Variants in PELI1 observed in about 807,000 individuals in gnomAD.
PELI1 encodes the protein E3 ubiquitin-protein ligase pellino homolog 1.
Under a neutral mutation model 41.3 loss-of-function variants are expected in PELI1, and 15 were observed. The ratio of observed to expected loss-of-function variants is 0.36; its 90% confidence interval spans 0.24 to 0.56. The LOEUF is 0.56. Ranked by LOEUF, PELI1 falls within the 20% of genes least tolerant of loss-of-function variation. PELI1 has a pLI of 0.82. For synonymous variants in PELI1, 178 were observed against 180.1 expected (o/e 0.99, Z 0.09); for missense variants, 403 against 525.5 (o/e 0.77, Z 2.28).
intron 4 of PELI1, among the ~76,000 whole-genome samples, chr2:64,097,099 A>G (rs980985695): frequency 1.3e-5 from 2 of 152,226 alleles, no homozygotes; most frequent in African/African-American, 2.4e-5. Flanking sequence ...AGGTGCTACA[A>G]GAGGTATACA....
intron 1 of PELI1, among the ~76,000 whole-genome samples, chr2:64,128,227 A>G (rs1681451581): frequency 6.6e-6 from 1 of 152,156 alleles, no homozygotes; most frequent in African/African-American, 2.4e-5. Context: ...GTAAACATTT[A>G]TGGAGTGCCT....
At chr2:64,108,134 G>T in intron 2 of PELI1, 106 bp downstream of exon 2, 4 of 641,120 alleles carry the variant, frequency 6.2e-6, no homozygotes, top group South Asian at 2.0e-5. Flanking sequence ...ATTCTTTTTG[G>T]AAGCAGGTAA....
intron 1 of PELI1, among the ~76,000 whole-genome samples, chr2:64,120,919 T>C (rs2103716940): frequency 6.6e-6 from 1 of 152,352 alleles, no homozygotes. Flanking sequence ...ATCACTATAA[T>C]AGTACCTAGT....
At chr2:64,121,841 G>A (rs542201976) in intron 1 of PELI1, among the ~76,000 whole-genome samples, 42 of 151,012 alleles carry the variant, frequency 2.8e-4, no homozygotes, top group Admixed American at 5.3e-4. Flanking sequence ...GGAGGCGGAG[G>A]TTGTGGTGAG....
chr2:64,110,849 C>T, intron 1 of PELI1, among the ~76,000 whole-genome samples: 1 of 151,920 alleles, frequency 6.6e-6, no homozygotes, highest in Admixed American at 6.6e-5. Context: ...ATCACTTGAA[C>T]CTGGAGGCAG....
At chr2:64,105,309 T>C (rs1680583288) in intron 2 of PELI1, among the ~76,000 whole-genome samples, 1 of 152,206 alleles carries the variant, frequency 6.6e-6, no homozygotes, top group South Asian at 2.1e-4. Flanking sequence ...ATTTGTTAAG[T>C]CTTAGCTACC....
chr2:64,100,831 G>GT (rs1306587627), intron 3 of PELI1, among the ~76,000 whole-genome samples: 3 of 151,954 alleles, frequency 2.0e-5, no homozygotes, highest in Non-Finnish European at 4.4e-5. Flanking sequence ...GGTTCAAGTG[G>GT]TTCTCCTACC....
intron 1 of PELI1, among the ~76,000 whole-genome samples, chr2:64,131,479 T>G (rs2103736133): frequency 6.6e-6 from 1 of 152,230 alleles, no homozygotes; most frequent in South Asian, 2.1e-4. Flanking sequence ...ATATTTGTTT[T>G]CCAAATATTT....
chr2:64,117,440 G>A (rs184699100), intron 1 of PELI1, among the ~76,000 whole-genome samples: 44 of 151,976 alleles, frequency 2.9e-4, no homozygotes, highest in Admixed American at 9.2e-4. Context: ...GTAGAATGCT[G>A]TATAAATGTT....
At chr2:64,137,579 A>C (rs532038689) in intron 1 of PELI1, among the ~76,000 whole-genome samples, 1 of 152,282 alleles carries the variant, frequency 6.6e-6, no homozygotes, top group Non-Finnish European at 1.5e-5. Context: ...ATATACCCTT[A>C]TTCCAAATGA....
intron 1 of PELI1, among the ~76,000 whole-genome samples, chr2:64,134,581 G>A (rs1016328614): frequency 6.6e-6 from 1 of 152,160 alleles, no homozygotes. Flanking sequence ...ATTTTCTCAT[G>A]AATGATAAAC....
Position 64,104,606 on chromosome 2 carries a change from G to C in PELI1, c.201+95C>G, listed in dbSNP as rs945605846. ...CAAACAAAAGGCAATTTCTGAAATA[G>C]AAATGTAAGGGGAATGCTAGAGAAT... On this transcript the variant is annotated intron_variant, in intron 3 of 6. Transcript: ENST00000358912. 2.9e-6 allele frequency: 4 copies of C among 1,379,186 alleles called. No homozygotes were observed. In the African/African-American group the frequency reaches 5.8e-5, roughly 20 times the overall value. The allele number at this position is 1,379,186 out of a possible 1,614,324, so 85.4% of individuals were successfully genotyped here.
intron 1 of PELI1, among the ~76,000 whole-genome samples, chr2:64,135,100 A>T (rs1245501241): frequency 6.6e-6 from 1 of 152,140 alleles, no homozygotes; most frequent in Non-Finnish European, 1.5e-5. Context: ...GTATTACAGT[A>T]ATGATGAGGT....
At chr2:64,140,365 G>A (rs949890424) in intron 1 of PELI1, among the ~76,000 whole-genome samples, 11 of 152,052 alleles carry the variant, frequency 7.2e-5, no homozygotes, top group South Asian at 2.1e-4. Context: ...GGTATTACAG[G>A]GGCGATACAA....
At chr2:64,134,498 C>T (rs936345106) in intron 1 of PELI1, among the ~76,000 whole-genome samples, 2 of 152,076 alleles carry the variant, frequency 1.3e-5, no homozygotes, top group African/African-American at 2.4e-5. Flanking sequence ...CTTTTTGATA[C>T]ATAAGGTATG....
chr2:64,110,247 G>GAAAAAAAAAA (rs796716135), intron 1 of PELI1, among the ~76,000 whole-genome samples: 7 of 100,790 alleles, frequency 6.9e-5, no homozygotes, highest in South Asian at 3.2e-4. Context: ...TCCGTCTCAA[G>GAAAAAAAAAA]AAAAAAAAAA....
rs564074855 is a variant in PELI1, at chr2:64,118,230, T to C, written c.-69-9851A>G. On this transcript the variant is annotated intron_variant, in intron 1 of 6. Coordinates refer to ENST00000358912, the MANE Select transcript of PELI1 (RefSeq NM_020651.4). ...GGGATATTTCTATGAATTCCCTCTT[T>C]ATCCACTCTTGATTATTGTTATGTT... Among the ~76,000 whole-genome samples the C allele has an allele frequency of 2.6e-4, 40 of 152,334 alleles. 1 individual carries two copies. Among genetic ancestry groups the C allele is most frequent in the Admixed American group, 1.0e-3 (16 of 15,300 alleles).
intron 1 of PELI1, among the ~76,000 whole-genome samples, chr2:64,108,760 CT>C (rs1558476647): frequency 6.6e-6 from 1 of 152,178 alleles, no homozygotes; most frequent in East Asian, 1.9e-4. Context: ...TCTGGGTTTT[CT>C]TTTTGCCTAA....
intron 4 of PELI1, among the ~76,000 whole-genome samples, chr2:64,097,675 T>C (rs1484297457): frequency 2.6e-5 from 4 of 152,214 alleles, no homozygotes; most frequent in Non-Finnish European, 5.9e-5. Context: ...TACCATAAAA[T>C]TGAAGAATGT....
Sources: gnomAD v4.1 joint callset for allele counts (sites outside exome capture counted in the v4.1 genomes callset) on GRCh38, gnomAD v4.1.1 for gene constraint, MANE v1.5 for transcripts, NCBI Gene and HGNC (gene_info 2026-07-23, HGNC 2026-07-21) for gene names.